CLIP1: variants seen among roughly 807,000 people sequenced by gnomAD.
The protein encoded by CLIP1 is CAP-Gly domain-containing linker protein 1.
A neutral mutation model predicts 161.6 loss-of-function variants in CLIP1; 66 were observed. The observed-to-expected ratio is 0.41, with a 90% CI of 0.33 to 0.50. CLIP1 has a LOEUF of 0.50. Ranked by LOEUF, CLIP1 falls within the 20% of genes least tolerant of loss-of-function variation. The pLI is 0.27. For missense variants in CLIP1, 1,376 were observed against 1,702.0 expected, an observed-to-expected ratio of 0.81 and a Z score of 3.37; for synonymous variants, 598 against 626.2, an observed-to-expected ratio of 0.96 and a Z score of 0.67.
intron 20 of CLIP1, among the ~76,000 whole-genome samples, chr12:122,296,035 T>C (rs1175994417): frequency 6.6e-6 from 1 of 152,260 alleles, no homozygotes; most frequent in Non-Finnish European, 1.5e-5. Context: ...AGTTAGATCA[T>C]GTTATTTTAA....
chr12:122,281,196 C>A (rs1037822055), intron 21 of CLIP1, among the ~76,000 whole-genome samples: 30 of 152,270 alleles, frequency 2.0e-4, no homozygotes, highest in African/African-American at 6.7e-4. Flanking sequence ...ACAGAAATTT[C>A]TTGAATTAAA....
chr12:122,364,066 C>T lies in CLIP1; in HGVS notation c.699G>A (p.Glu233=). 6.2e-7 allele frequency: 1 copy of T among 1,614,112 alleles called. No individual in the cohort carries two copies. The highest frequency in any genetic ancestry group is 8.5e-7 in the Non-Finnish European group (1 of 1,180,022). The change falls in exon 4 of 26, where the codon GAG becomes GAA. Residue 233 remains glutamate (E), a synonymous_variant. Coordinates refer to ENST00000620786, the MANE Select transcript of CLIP1 (RefSeq NM_001247997.2). The stretch of plus-strand genomic sequence containing the variant: ...ACCACTCCCCCTTGGCAAAGTCGGT[C>T]TCCCCAAGAAACCGGACTACACCAG... ...TKAGVVRFLG[E]TDFAKGEWCG...
intron 3 of CLIP1, among the ~76,000 whole-genome samples, chr12:122,368,305 T>C (rs1954267036): frequency 6.6e-6 from 1 of 152,162 alleles, no homozygotes; most frequent in African/African-American, 2.4e-5. Context: ...GAAATTCCTG[T>C]AAAAAGTGTT....
At chr12:122,390,259 T>TAC (rs1174521187) in intron 1 of CLIP1, among the ~76,000 whole-genome samples, 8 of 96,630 alleles carry the variant, frequency 8.3e-5, no homozygotes, top group African/African-American at 2.2e-4. Context: ...TACACATATA[T>TAC]ACACACACAT....
intron 1 of CLIP1, among the ~76,000 whole-genome samples, chr12:122,387,687 C>G (rs1955388158): frequency 6.8e-6 from 1 of 147,596 alleles, no homozygotes; most frequent in Non-Finnish European, 1.5e-5. Flanking sequence ...GTAGCCTCAA[C>G]CTCCTGGACT....
At chr12:122,419,368 C>CAA (rs530430022) in intron 1 of CLIP1, among the ~76,000 whole-genome samples, 12 of 117,196 alleles carry the variant, frequency 1.0e-4, no homozygotes, top group African/African-American at 2.8e-4. Context: ...GACTCTGTCT[C>CAA]AAAAAAAAAA....
chr12:122,350,822 G>T (rs188154505), intron 9 of CLIP1, among the ~76,000 whole-genome samples: 70 of 151,664 alleles, frequency 4.6e-4, no homozygotes, highest in African/African-American at 1.6e-3. Context: ...GGTGAAGAAG[G>T]CCAGGTCTCC....
chr12:122,285,700 C>T (rs1263813728), intron 21 of CLIP1, among the ~76,000 whole-genome samples: 3 of 145,560 alleles, frequency 2.1e-5, no homozygotes, highest in Non-Finnish European at 4.5e-5. Context: ...TGGTCTTGAA[C>T]TCTTGTGCTC....
intron 5 of CLIP1, among the ~76,000 whole-genome samples, chr12:122,356,782 C>T (rs1023972590): frequency 6.6e-6 from 1 of 152,160 alleles, no homozygotes; most frequent in East Asian, 1.9e-4. Context: ...CGATTGCAGG[C>T]GCGCGCCGCC....
At chr12:122,332,416 T>C (rs1360501725) in intron 15 of CLIP1, among the ~76,000 whole-genome samples, 1 of 152,160 alleles carries the variant, frequency 6.6e-6, no homozygotes, top group Non-Finnish European at 1.5e-5. Context: ...AACTACTACC[T>C]TTTCTTTTTT....
chr12:122,389,487 G>A (rs1170214787), intron 1 of CLIP1, among the ~76,000 whole-genome samples: 5 of 152,064 alleles, frequency 3.3e-5, no homozygotes, highest in East Asian at 1.9e-4. Context: ...GGCCGGGTGC[G>A]GTGGCTCACG....
At chr12:122,283,957 C>T (rs1316628289) in intron 21 of CLIP1, among the ~76,000 whole-genome samples, 2 of 152,072 alleles carry the variant, frequency 1.3e-5, no homozygotes, top group Non-Finnish European at 2.9e-5. Context: ...ATTTGCAAGG[C>T]TTTTTAAATT....
Position 122,333,978 on chromosome 12 carries a change from G to C in CLIP1, c.2710+49C>G, listed in dbSNP as rs369916254. On this transcript the variant is annotated intron_variant, in intron 14 of 25. Coordinates refer to ENST00000620786, the MANE Select transcript of CLIP1 (RefSeq NM_001247997.2). ...AACATACTACAACTGTCTCGAATAC[G>C]GGAAAGCCTACTGTATTTAATGTTT... The C allele has an allele frequency of 4.4e-6, 5 of 1,143,162 alleles. No homozygotes were observed. The African/African-American group carries it at 6.1e-5, about 14-fold the overall frequency. 70.8% of individuals were successfully genotyped at this position (1,143,162 alleles called of 1,614,324 possible).
In CLIP1 at chr12:122,279,092, G is replaced by T. The variant is rs1284617040; in HGVS notation, c.3701C>A (p.Ser1234Tyr). The T allele has an allele frequency of 1.9e-6, 3 of 1,612,976 alleles. No individual in the cohort carries two copies. The highest frequency in any genetic ancestry group is 3.3e-4 in the Middle Eastern group (2 of 6,078). ...ADEEKASLQK[S>Y]ISITSALLTE... ...GAGTAAGGCACTAGTTATACTGATG[G>T]ATTTCTGCAAGGAAGCTTTCTCTTC... Residue 1234 changes from serine to tyrosine, a missense_variant, in exon 22 of 26, where the codon TCC (serine) becomes TAC (tyrosine). Physicochemically the swap from Ser to Tyr is moderately radical, Grantham distance 144. Transcript: ENST00000620786. This position sits in a 1 kb window ranked among gnomAD's most constrained non-coding sequence, Gnocchi z 4.5.
At chr12:122,354,941 T>C (rs966485764) in intron 6 of CLIP1, 174 bp downstream of exon 6, 2 of 625,866 alleles carry the variant, frequency 3.2e-6, no homozygotes, top group Non-Finnish European at 2.8e-6. Context: ...ATCTCTGTGA[T>C]CATGGAAACT....
chr12:122,278,561 G>A (rs1955523811), intron 23 of CLIP1: 3 of 525,788 alleles, frequency 5.7e-6, no homozygotes, highest in Admixed American at 3.6e-5. Context: ...CTGGATGGCA[G>A]CAGGCAGCCA....
chr12:122,375,434 A>G (rs1954671624), intron 3 of CLIP1, among the ~76,000 whole-genome samples: 1 of 151,712 alleles, frequency 6.6e-6, no homozygotes, highest in African/African-American at 2.4e-5. Context: ...CTCCTGCCTC[A>G]GCTTCCCAAG....
At chr12:122,411,570 A>G (rs775933051) in intron 1 of CLIP1, among the ~76,000 whole-genome samples, 5 of 152,218 alleles carry the variant, frequency 3.3e-5, no homozygotes, top group Non-Finnish European at 7.3e-5. Flanking sequence ...CAACCATAAA[A>G]AGGAATCAAG....
At chr12:122,403,471 T>C (rs888401329) in intron 1 of CLIP1, among the ~76,000 whole-genome samples, 1 of 146,170 alleles carries the variant, frequency 6.8e-6, no homozygotes, top group Non-Finnish European at 1.5e-5. Flanking sequence ...TTAAGGCCAA[T>C]ACAGTAGGAG....
Sources: allele counts gnomAD v4.1 joint callset (sites outside exome capture counted in the v4.1 genomes callset), GRCh38; gene constraint gnomAD v4.1.1; non-coding constraint Gnocchi (gnomAD v3.1); transcripts MANE v1.5; gene names NCBI Gene and HGNC (gene_info 2026-07-23, HGNC 2026-07-21).